The following UTP11 variants were observed in gnomAD, a reference collection of about 807,000 sequenced individuals.
The protein encoded by UTP11 is UTP11 small subunit processome component, also known as probable U3 small nucleolar RNA-associated protein 11.
In UTP11, 29 loss-of-function variants were observed where a neutral mutation model predicts 39.0. The ratio of observed to expected loss-of-function variants is 0.74; its 90% CI spans 0.55 to 1.01. The LOEUF is 1.01. UTP11 is among the 50% of genes least tolerant of loss of function. The pLI, the probability that UTP11 is intolerant of heterozygous loss-of-function variation, is 0.00. For synonymous variants in UTP11, 111 were observed against 105.0 expected (o/e 1.06, Z -0.35); for missense variants, 281 against 306.0 (o/e 0.92, Z 0.61).
In UTP11 at chr1:38,022,553, C is replaced by T. The variant is rs138544616; in HGVS notation, c.568-146C>T. The T allele has an allele frequency of 1.1e-3, 685 of 618,256 alleles. 3 individuals carry two copies. The highest frequency in any genetic ancestry group is 7.1e-3 in the Middle Eastern group (25 of 3,510). The allele number at this position is 618,256 out of a possible 1,614,324, so 38.3% of individuals were successfully genotyped here. A position where few individuals can be genotyped will look rare whatever the true frequency, so the allele number is the denominator to read the frequency against. On this transcript the variant is annotated intron_variant, in intron 6 of 7. Transcript: ENST00000373014. Reference sequence around the variant, plus strand: ...AATGTGATGTTCCTAAAATGGGCAACGTTATTGTTACCACGTTATGTTGAT... The same window carrying T: ...AATGTGATGTTCCTAAAATGGGCAATGTTATTGTTACCACGTTATGTTGAT...
chr1:38,019,762 G>T (rs1161024272), intron 6 of UTP11, among the ~76,000 whole-genome samples: 4 of 152,182 alleles, frequency 2.6e-5, no homozygotes, highest in African/African-American at 9.7e-5. Flanking sequence ...GGGATTACAA[G>T]CGTGAGCCAC....
chr1:38,018,693 A>G (rs1168285527), intron 4 of UTP11, 116 bp downstream of exon 4: 9 of 834,112 alleles, frequency 1.1e-5, no homozygotes, highest in Admixed American at 2.7e-5. Context: ...TGATTGTAAT[A>G]ATGATTTAGA....
Position 38,017,764 on chromosome 1 carries a change from A to G in UTP11, c.222A>G (p.Lys74=). Residue 74 remains lysine, a synonymous_variant, in exon 3 of 8, where the codon AAA becomes AAG. Coordinates refer to ENST00000373014, the MANE Select transcript of UTP11 (RefSeq NM_016037.4). The part of the protein sequence containing the change: ...DEFYYKMTRV[K]LQDGVHIIKE... ...TCTACTACAAAATGACTCGGGTTAAACTCCAGGTGGGTGCCCAATGGCTTG... is the reference window on the plus strand; with the variant it reads ...TCTACTACAAAATGACTCGGGTTAAGCTCCAGGTGGGTGCCCAATGGCTTG... The G allele has an allele frequency of 6.2e-7, 1 of 1,608,786 alleles. No individual in the cohort carries two copies. Among genetic ancestry groups the G allele is most frequent in the Non-Finnish European group, 8.5e-7 (1 of 1,178,346 alleles).
chr1:38,023,547 TA>T lies in UTP11; in HGVS notation c.685del (p.Thr229LeufsTer4). ...ATCACCTTTTTACTCTTTTGTAGGA[TA>T]AAACTCAGAAAGTGAAGGTGAAGAA... is the stretch of plus-strand genomic sequence containing the variant. ...KIQTRKDLMD[K>X]TQKVKVKKET... is the part of the protein sequence containing the mutation. On this transcript the variant is annotated frameshift_variant, in exon 8 of 8. Coordinates refer to ENST00000373014, the MANE Select transcript of UTP11 (RefSeq NM_016037.4). LOFTEE classifies it high-confidence loss of function. 1 of 1,610,138 alleles carries T rather than the reference TA, an allele frequency of 6.2e-7. No individual in the cohort carries two copies. Among genetic ancestry groups the T allele is most frequent in the Non-Finnish European group, 8.5e-7 (1 of 1,178,602 alleles).
At chr1:38,022,625 G>T in intron 6 of UTP11, 74 bp from the exon 7 acceptor site, 1 of 1,012,204 alleles carries the variant, frequency 9.9e-7, no homozygotes. Flanking sequence ...TGGCTTAAAT[G>T]GATTAAGAAA....
In UTP11 at chr1:38,023,548, A is replaced by G. The variant is rs752150378; in HGVS notation, c.682A>G (p.Lys228Glu). 1.9e-6 allele frequency: 3 copies of G among 1,610,096 alleles called. No homozygotes were observed. In the East Asian group the frequency reaches 6.7e-5, roughly 36 times the overall value. ...TCACCTTTTTACTCTTTTGTAGGAT[A>G]AAACTCAGAAAGTGAAGGTGAAGAA... ...KIQTRKDLMD[K>E]TQKVKVKKET... The change falls in exon 8 of 8, where the codon AAA (lysine) becomes GAA (glutamate). Residue 228 changes from lysine to glutamate, a missense_variant. Lys to Glu is a moderately conservative substitution (Grantham distance 56). Transcript: ENST00000373014.
At position 38,023,725 on chromosome 1, in the gene UTP11, T is replaced by G; in HGVS notation, c.*97T>G. ...TACTCCAAATGGCATGGTTTTCCGG[T>G]TTGTAACCATAACTAAATTGTCAGT... On this transcript the variant is annotated 3_prime_UTR_variant, in exon 8 of 8. Coordinates refer to ENST00000373014, the MANE Select transcript of UTP11 (RefSeq NM_016037.4). 7 of 1,021,482 alleles carry G rather than the reference T, an allele frequency of 6.9e-6. No individual in the cohort carries two copies. The highest frequency in any genetic ancestry group is 9.9e-6 in the Non-Finnish European group (7 of 709,054). 63.3% of individuals were successfully genotyped at this position (1,021,482 alleles called of 1,614,324 possible). A position where few individuals can be genotyped will look rare whatever the true frequency, so the allele number is the denominator to read the frequency against.
In UTP11 at chr1:38,017,463, G is replaced by T; in HGVS notation, c.126-205G>T. On this transcript the variant is annotated intron_variant, in intron 2 of 7. Coordinates refer to ENST00000373014, the MANE Select transcript of UTP11 (RefSeq NM_016037.4). ...AGGTTCCACTGGAATAGGAACTGTT[G>T]ATTAGACTGTGGACCCTGCGAAGAC... The T allele has an allele frequency of 7.5e-6, 3 of 400,422 alleles. No homozygotes were observed. The South Asian group carries it at 2.0e-4, about 27-fold the overall frequency. 24.8% of individuals were successfully genotyped at this position (400,422 alleles called of 1,614,324 possible). A position where few individuals can be genotyped will look rare whatever the true frequency, so the allele number is the denominator to read the frequency against.
In UTP11 at chr1:38,012,758, G is replaced by A; in HGVS notation, c.-45G>A. 6.2e-7 allele frequency: 1 copy of A among 1,613,570 alleles called. No homozygotes were observed. Among genetic ancestry groups the A allele is most frequent in the South Asian group, 1.1e-5 (1 of 91,072 alleles). On this transcript the variant is annotated 5_prime_UTR_variant, in exon 1 of 8. Coordinates refer to ENST00000373014, the MANE Select transcript of UTP11 (RefSeq NM_016037.4). The stretch of plus-strand genomic sequence containing the variant: ...CAGTGGACTTGGCGGCAGAGGCAGT[G>A]CGGATCCGGCGTTCTCCACTGATCT...
Position 38,019,095 on chromosome 1 carries a change from G to T in UTP11, c.379G>T (p.Asp127Tyr). ...ACTAAAATCAGAGCTCCATCTGCTG[G>T]ATTTCCAGGGGAAGCAACAGAACAA... ...ERLKSELHLL[D>Y]FQGKQQNKHV... is the part of the protein sequence containing the mutation. Residue 127 changes from aspartate (D) to tyrosine (Y), a missense_variant, in exon 5 of 8, where the codon GAT becomes TAT. Coordinates refer to ENST00000373014, the MANE Select transcript of UTP11 (RefSeq NM_016037.4). 2 of 1,613,962 alleles carry T rather than the reference G, an allele frequency of 1.2e-6. No individual in the cohort carries two copies. Among genetic ancestry groups the T allele is most frequent in the Middle Eastern group, 1.6e-4 (1 of 6,062 alleles).
At chr1:38,017,881 T>A in intron 3 of UTP11, 111 bp downstream of exon 3, 1 of 932,604 alleles carries the variant, frequency 1.1e-6, no homozygotes, top group East Asian at 2.6e-5. Context: ...CTTCTCTGGT[T>A]ACTCCAGGTG....
chr1:38,021,431 C>T (rs1304441876), intron 6 of UTP11, among the ~76,000 whole-genome samples: 1 of 152,102 alleles, frequency 6.6e-6, no homozygotes, highest in Non-Finnish European at 1.5e-5. Flanking sequence ...TAAGAGACTG[C>T]TGGTGGGTGG....
Position 38,012,818 on chromosome 1 carries a change from C to T in UTP11, c.16C>T (p.Arg6Trp), listed in dbSNP as rs1222688218. Residue 6 changes from arginine to tryptophan, a missense_variant, in exon 1 of 8, where the codon CGG becomes TGG. Physicochemically the swap from Arg to Trp is moderately radical, Grantham distance 101. Coordinates refer to ENST00000373014, the MANE Select transcript of UTP11 (RefSeq NM_016037.4). ...CTGTACAGACATGGCGGCGGCTTTTCGGAAGGCGGCTAAGTCCCGGCAGCG... is the reference window on the plus strand; with the variant it reads ...CTGTACAGACATGGCGGCGGCTTTTTGGAAGGCGGCTAAGTCCCGGCAGCG... MAAAF[R>W]KAAKSRQREH... 2 of 1,614,202 alleles carry T rather than the reference C, an allele frequency of 1.2e-6. No individual in the cohort carries two copies. Among genetic ancestry groups the T allele is most frequent in the South Asian group, 2.2e-5 (2 of 91,086 alleles).
At chr1:38,015,668 T>C (rs2148736820) in intron 1 of UTP11, among the ~76,000 whole-genome samples, 1 of 152,346 alleles carries the variant, frequency 6.6e-6, no homozygotes, top group Middle Eastern at 3.4e-3. Flanking sequence ...TTAATCCTTA[T>C]ACCTTCCATG....
chr1:38,023,531 T>TTA lies in UTP11; in HGVS notation c.679-13_679-12dup. 6.2e-7 allele frequency: 1 copy of TTA among 1,605,088 alleles called. No homozygotes were observed. The highest frequency in any genetic ancestry group is 1.3e-5 in the African/African-American group (1 of 74,552). ...TTCCTTCTCTTTACTGATCACCTTT[T>TTA]TACTCTTTTGTAGGATAAAACTCAG... On this transcript the variant is annotated splice_polypyrimidine_tract_variant and intron_variant, in intron 7 of 7. Transcript: ENST00000373014.
In UTP11 at chr1:38,023,737, A is replaced by T; in HGVS notation, c.*109A>T. Reference sequence around the variant, plus strand: ...CATGGTTTTCCGGTTTGTAACCATAACTAAATTGTCAGTCTGACATTTAAT... The same window carrying T: ...CATGGTTTTCCGGTTTGTAACCATATCTAAATTGTCAGTCTGACATTTAAT... On this transcript the variant is annotated 3_prime_UTR_variant, in exon 8 of 8. Coordinates refer to ENST00000373014, the MANE Select transcript of UTP11 (RefSeq NM_016037.4). 1.2e-6 allele frequency: 1 copy of T among 856,896 alleles called. No individual in the cohort carries two copies. The highest frequency in any genetic ancestry group is 2.2e-5 in the South Asian group (1 of 45,608). The allele number at this position is 856,896 out of a possible 1,614,324, so 53.1% of individuals were successfully genotyped here.
rs183946332 is a variant in UTP11 at position 38,022,700 on chromosome 1, G to A, written c.569G>A (p.Arg190Gln). 77 of 1,607,748 alleles carry A rather than the reference G, an allele frequency of 4.8e-5. No individual in the cohort carries two copies. Among genetic ancestry groups the A allele is most frequent in the South Asian group, 2.4e-4 (22 of 90,706 alleles). The change falls in exon 7 of 8, where the codon CGA (arginine) becomes CAA (glutamine). Residue 190 changes from arginine to glutamine, a missense_variant and splice_region_variant. By Grantham distance (43) the Arg-to-Gln change is conservative. Transcript: ENST00000373014. ...KGVTNQTGLK[R>Q]IAKERQKQYN... is the part of the protein sequence containing the mutation. ...AGAATGTGTGTGTTTCTTCTCCAGC[G>A]AATAGCTAAAGAAAGGCAAAAGCAG... is the stretch of plus-strand genomic sequence containing the variant.
chr1:38,017,163 A>G (rs1646711334), intron 2 of UTP11: 1 of 152,694 alleles, frequency 6.5e-6, no homozygotes, highest in South Asian at 2.1e-4. Context: ...CATTTTACAA[A>G]TGAAATTGGG....
intron 7 of UTP11, 49 bp from the exon 8 acceptor site, chr1:38,023,496 A>G: frequency 6.4e-7 from 1 of 1,558,298 alleles, no homozygotes; most frequent in South Asian, 1.2e-5. Context: ...TTTCGATTTT[A>G]CAAAACCATT....
Sources: allele counts gnomAD v4.1 joint callset (sites outside exome capture counted in the v4.1 genomes callset), GRCh38; gene constraint gnomAD v4.1.1; transcripts MANE v1.5; gene names NCBI Gene and HGNC (gene_info 2026-07-23, HGNC 2026-07-21).